The following CC2D2A variants were observed in gnomAD, a reference collection of about 807,000 sequenced individuals.
CC2D2A encodes the protein coiled-coil and C2 domain-containing protein 2A.
In CC2D2A, 155 loss-of-function variants were observed where a neutral mutation model predicts 212.9. That is an observed-to-expected ratio of 0.73 (90% confidence interval 0.64 to 0.83). CC2D2A has a LOEUF of 0.83. CC2D2A is among the 40% of genes least tolerant of loss of function. CC2D2A has a pLI of 0.00. For synonymous variants in CC2D2A, 667 were observed against 686.5 expected, an observed-to-expected ratio of 0.97 and a Z score of 0.44; for missense variants, 1,856 against 1,956.2, an observed-to-expected ratio of 0.95 and a Z score of 0.97.
chr4:15,530,748 G>T (rs1454455592), intron 13 of CC2D2A, among the ~76,000 whole-genome samples: 1 of 151,794 alleles, frequency 6.6e-6, no homozygotes, highest in Non-Finnish European at 1.5e-5. Flanking sequence ...TCTATTGCTG[G>T]ATGTTTCATC....
chr4:15,593,137 C>G (rs1344818128), intron 33 of CC2D2A, among the ~76,000 whole-genome samples: 1 of 152,208 alleles, frequency 6.6e-6, no homozygotes, highest in Non-Finnish European at 1.5e-5. Context: ...TCATCACTTT[C>G]TGGCTCAGAA....
intron 11 of CC2D2A, among the ~76,000 whole-genome samples, chr4:15,518,343 A>G (rs1717002755): frequency 6.6e-6 from 1 of 152,190 alleles, no homozygotes; most frequent in Admixed American, 6.5e-5. Context: ...CTGATGCAAG[A>G]GTTAGGTTCC....
At chr4:15,546,634 C>T (rs1192932053) in intron 17 of CC2D2A, among the ~76,000 whole-genome samples, 1 of 152,192 alleles carries the variant, frequency 6.6e-6, no homozygotes, top group Non-Finnish European at 1.5e-5. Flanking sequence ...TTTGTGGTTG[C>T]TGTTGGTTCT....
chr4:15,528,673 T>C lies in CC2D2A; in HGVS notation c.1413T>C (p.His471=). The change falls in exon 13 of 37, where the codon CAT becomes CAC. Residue 471 remains histidine, a synonymous_variant. Coordinates refer to ENST00000424120, the MANE Select transcript of CC2D2A (RefSeq NM_001378615.1). Reference sequence around the variant, plus strand: ...CTGGCCTTGATCCAGAAAAACCTCATCAGTCTCTCGATACCATCCAAAAAA... The same window carrying C: ...CTGGCCTTGATCCAGAAAAACCTCACCAGTCTCTCGATACCATCCAAAAAA... The part of the protein sequence containing the change: ...VQTGLDPEKP[H]QSLDTIQKTI... 6.2e-7 allele frequency: 1 copy of C among 1,613,876 alleles called. No individual in the cohort carries two copies. Among genetic ancestry groups the C allele is most frequent in the Non-Finnish European group, 8.5e-7 (1 of 1,179,816 alleles).
At chr4:15,526,940 G>T (rs1223009914) in intron 11 of CC2D2A, among the ~76,000 whole-genome samples, 1 of 152,134 alleles carries the variant, frequency 6.6e-6, no homozygotes, top group Non-Finnish European at 1.5e-5. Context: ...TCCTCCCCAT[G>T]AAGACTGAGT....
chr4:15,562,477 C>A (rs1225731974), intron 23 of CC2D2A, among the ~76,000 whole-genome samples: 1 of 152,222 alleles, frequency 6.6e-6, no homozygotes, highest in Non-Finnish European at 1.5e-5. Context: ...GTGTTTCTTG[C>A]ATATCATCTC....
intron 14 of CC2D2A, among the ~76,000 whole-genome samples, chr4:15,533,715 T>C (rs982558305): frequency 3.9e-5 from 6 of 152,234 alleles, no homozygotes; most frequent in Admixed American, 2.0e-4. Context: ...ATTCATCTAC[T>C]TGACAGCACA....
chr4:15,589,495 T>G (rs1448909755), intron 32 of CC2D2A, 50 bp from the exon 33 acceptor site: 2 of 1,555,392 alleles, frequency 1.3e-6, no homozygotes, highest in Non-Finnish European at 1.8e-6. Flanking sequence ...ACTATTGGCC[T>G]TCACTGCATA....
At chr4:15,502,604 A>G in intron 5 of CC2D2A, 87 bp downstream of exon 5, 1 of 1,174,620 alleles carries the variant, frequency 8.5e-7, no homozygotes, top group Non-Finnish European at 1.2e-6. Flanking sequence ...TCCAAACTGC[A>G]TGGATTTGAA....
chr4:15,572,153 TTA>T (rs1720200142), intron 28 of CC2D2A, among the ~76,000 whole-genome samples: 1 of 152,202 alleles, frequency 6.6e-6, no homozygotes, highest in Non-Finnish European at 1.5e-5. Flanking sequence ...TAGGTGCATA[TTA>T]TATGTTATTG....
At chr4:15,508,957 G>T (rs1177755282) in intron 6 of CC2D2A, among the ~76,000 whole-genome samples, 1 of 152,162 alleles carries the variant, frequency 6.6e-6, no homozygotes, top group Non-Finnish European at 1.5e-5. Context: ...TCATGAAAAA[G>T]GAGGAGTATC....
At chr4:15,505,706 C>T (rs1716218010) in intron 6 of CC2D2A, among the ~76,000 whole-genome samples, 1 of 152,118 alleles carries the variant, frequency 6.6e-6, no homozygotes, top group African/African-American at 2.4e-5. Context: ...GCACAAGTAA[C>T]AAAAGGATAA....
intron 6 of CC2D2A, among the ~76,000 whole-genome samples, chr4:15,506,644 G>A (rs918624842): frequency 6.6e-6 from 1 of 152,148 alleles, no homozygotes; most frequent in African/African-American, 2.4e-5. Flanking sequence ...AAGTGCAGCA[G>A]ACAGGAATAG....
chr4:15,538,744 T>C (rs1048120275), intron 16 of CC2D2A, among the ~76,000 whole-genome samples: 5 of 152,248 alleles, frequency 3.3e-5, no homozygotes, highest in African/African-American at 1.2e-4. Flanking sequence ...GTACATATAA[T>C]AATTCATAAA....
rs373742688 is a variant in CC2D2A at position 15,516,747 on chromosome 4, G to A, written c.1140G>A (p.Leu380=). The A allele has an allele frequency of 9.1e-5, 147 of 1,610,660 alleles. No homozygotes were observed. Among genetic ancestry groups the A allele is most frequent in the Non-Finnish European group, 1.2e-4 (145 of 1,178,314 alleles). Residue 380 remains leucine, a synonymous_variant, in exon 11 of 37, where the codon CTG becomes CTA. Coordinates refer to ENST00000424120, the MANE Select transcript of CC2D2A (RefSeq NM_001378615.1). ...EQSIKAELET[L]YKKAVKYVHS... is the part of the protein sequence containing the mutation. ...GCATTAAGGCAGAGCTTGAAACACT[G>A]TATAAAAAGGTAGACACTCCCCTCT...
In CC2D2A at chr4:15,540,894, G is replaced by C; in HGVS notation, c.2061G>C (p.Leu687=). The C allele has an allele frequency of 6.3e-7, 1 of 1,593,706 alleles. No individual in the cohort carries two copies. The highest frequency in any genetic ancestry group is 8.5e-7 in the Non-Finnish European group (1 of 1,169,778). Residue 687 remains leucine (L), a synonymous_variant, in exon 17 of 37, where the codon CTG becomes CTC. Coordinates refer to ENST00000424120, the MANE Select transcript of CC2D2A (RefSeq NM_001378615.1). ...AGCGCTCAGTGTACTTAAAAGTGCT[G>C]TTCAACAACAAGGAGGTGTCCAGGA... ...VKKRSVYLKV[L]FNNKEVSRTV...
intron 4 of CC2D2A, among the ~76,000 whole-genome samples, chr4:15,500,687 G>A (rs1206072396): frequency 6.6e-6 from 1 of 152,188 alleles, no homozygotes; most frequent in Non-Finnish European, 1.5e-5. Flanking sequence ...AATGGGCTTT[G>A]AGGCTGGTGA....
At chr4:15,537,797 G>A (rs754549602) in intron 15 of CC2D2A, 102 bp from the exon 16 acceptor site, 139 of 1,224,258 alleles carry the variant, frequency 1.1e-4, no homozygotes, top group Non-Finnish European at 1.5e-4. Flanking sequence ...TGGTTGAAAT[G>A]GGGCTGGGGT....
chr4:15,538,060 G>C lies in CC2D2A; in HGVS notation c.1926G>C (p.Arg642Ser), dbSNP rs1377431029. 2 of 1,608,284 alleles carry C rather than the reference G, an allele frequency of 1.2e-6. No homozygotes were observed. Among genetic ancestry groups the C allele is most frequent in the Non-Finnish European group, 1.7e-6 (2 of 1,177,522 alleles). ...QEVRERAAQS[R>S]RRPWEPTLVP... is the part of the protein sequence containing the mutation. ...TGAGGGAGAGAGCAGCCCAGAGCAGGAGGAGGCCTTGGGAGCCCACGCTGG... is the reference window on the plus strand; with the variant it reads ...TGAGGGAGAGAGCAGCCCAGAGCAGCAGGAGGCCTTGGGAGCCCACGCTGG... The change falls in exon 16 of 37, where the codon AGG becomes AGC. Residue 642 changes from arginine (R) to serine (S), a missense_variant. Physicochemically the swap from Arg to Ser is moderately radical, Grantham distance 110. Transcript: ENST00000424120.
Sources: gnomAD v4.1 joint callset for allele counts (sites outside exome capture counted in the v4.1 genomes callset) on GRCh38, gnomAD v4.1.1 for gene constraint, MANE v1.5 for transcripts, NCBI Gene and HGNC (gene_info 2026-07-23, HGNC 2026-07-21) for gene names.